Variants in TASP1 observed in about 807,000 individuals in gnomAD.
The protein encoded by TASP1 is threonine aspartase 1.
TASP1 carries 16 observed loss-of-function variants against 56.6 expected under a neutral mutation model. The observed-to-expected ratio is 0.28, with a 90% CI of 0.19 to 0.43. The LOEUF (loss-of-function observed/expected upper bound fraction) is 0.43. TASP1 is among the 20% of genes least tolerant of loss of function. The pLI, the probability that TASP1 is intolerant of heterozygous loss-of-function variation, is 1.00. For synonymous variants in TASP1, 179 were observed against 184.2 expected, an observed-to-expected ratio of 0.97 and a Z score of 0.23; for missense variants, 393 against 511.6, an observed-to-expected ratio of 0.77 and a Z score of 2.24.
chr20:13,117,179 G>A, the TASP1 span, among the ~76,000 whole-genome samples: 1 of 152,320 alleles, frequency 6.6e-6, no homozygotes, highest in South Asian at 2.1e-4. Context: ...AGAATATCTA[G>A]AATCCAGAAT....
chr20:13,535,443 T>C (rs776315675), intron 8 of TASP1, among the ~76,000 whole-genome samples: 2 of 152,164 alleles, frequency 1.3e-5, no homozygotes, highest in Non-Finnish European at 2.9e-5. Flanking sequence ...CCCTTAAATA[T>C]ACTGATACAC....
chr20:13,144,343 A>T, the TASP1 span, among the ~76,000 whole-genome samples: 1 of 152,256 alleles, frequency 6.6e-6, no homozygotes, highest in Non-Finnish European at 1.5e-5. Flanking sequence ...TGAACACAAC[A>T]GCCACTTACA....
chr20:13,160,204 C>G, the TASP1 span: 1 of 1,501,736 alleles, frequency 6.7e-7, no homozygotes, highest in Non-Finnish European at 9.0e-7. Flanking sequence ...TTTGTTGAGA[C>G]AGCTTGGGGT....
At chr20:13,196,320 C>A in the TASP1 span, among the ~76,000 whole-genome samples, 1 of 152,106 alleles carries the variant, frequency 6.6e-6, no homozygotes, top group Non-Finnish European at 1.5e-5. Flanking sequence ...TAGTTTTAAA[C>A]CATCTAGTAG....
chr20:13,433,489 T>G (rs1411175491), intron 12 of TASP1, among the ~76,000 whole-genome samples: 1 of 137,892 alleles, frequency 7.3e-6, no homozygotes, highest in Non-Finnish European at 1.5e-5. Context: ...ACCTAGGTAC[T>G]ATGTGCAGAG....
Position 13,562,514 on chromosome 20 carries a change from GA to G in TASP1, c.569-3401del, listed in dbSNP as rs749695742. Among the ~76,000 whole-genome samples, 29 of 150,478 alleles carry G rather than the reference GA, an allele frequency of 1.9e-4. No individual in the cohort carries two copies. In the East Asian group the frequency reaches 4.7e-3, roughly 24 times the overall value. On this transcript the variant is annotated intron_variant, in intron 7 of 13. Coordinates refer to ENST00000337743, the MANE Select transcript of TASP1 (RefSeq NM_017714.3). ...TTAAATCTTTAGCTAGATTAACTAAGAAAAAAAAAGACAAATTACTATAATC... is the reference window on the plus strand; with the variant it reads ...TTAAATCTTTAGCTAGATTAACTAAGAAAAAAAAGACAAATTACTATAATC...
At chr20:13,526,530 CATATT>C (rs2044986809) in intron 10 of TASP1, among the ~76,000 whole-genome samples, 1 of 152,124 alleles carries the variant, frequency 6.6e-6, no homozygotes, top group Admixed American at 6.6e-5. Context: ...AAAATTAACT[CATATT>C]ATTACATTAT....
At chr20:13,252,493 G>A in the TASP1 span, among the ~76,000 whole-genome samples, 1 of 152,178 alleles carries the variant, frequency 6.6e-6, no homozygotes, top group Non-Finnish European at 1.5e-5. Context: ...GCTCACACCT[G>A]TAATCCCAGC....
the TASP1 span, among the ~76,000 whole-genome samples, chr20:13,243,007 T>A: frequency 6.6e-6 from 1 of 152,224 alleles, no homozygotes; most frequent in Non-Finnish European, 1.5e-5. Context: ...ACAATAAGGT[T>A]AAGTACCTTG....
chr20:13,234,090 G>T, the TASP1 span, among the ~76,000 whole-genome samples: 1 of 152,098 alleles, frequency 6.6e-6, no homozygotes, highest in Non-Finnish European at 1.5e-5. Context: ...ATTGTACCCA[G>T]TGAGTAATTT....
the TASP1 span, among the ~76,000 whole-genome samples, chr20:13,177,646 G>T: frequency 5.9e-5 from 9 of 152,082 alleles, no homozygotes; most frequent in African/African-American, 1.7e-4. Flanking sequence ...AAGATGCCAA[G>T]AACACTATTT....
At chr20:13,397,638 G>T (rs2041590552) in intron 13 of TASP1, among the ~76,000 whole-genome samples, 1 of 152,146 alleles carries the variant, frequency 6.6e-6, no homozygotes, top group South Asian at 2.1e-4. Context: ...GCTTGCTCAG[G>T]AAAGCTACTG....
At chr20:13,417,344 T>A in intron 13 of TASP1, 104 bp downstream of exon 13, 1 of 1,111,552 alleles carries the variant, frequency 9.0e-7, no homozygotes, top group Non-Finnish European at 1.3e-6. Context: ...ACAAAGCTAC[T>A]GCCCAAAAAA....
chr20:13,436,576 A>G (rs957092200), intron 11 of TASP1, among the ~76,000 whole-genome samples: 2 of 152,164 alleles, frequency 1.3e-5, no homozygotes, highest in Non-Finnish European at 2.9e-5. Context: ...AAGGTGAACT[A>G]GAGAGTTGAG....
chr20:13,304,572 T>C, the TASP1 span, among the ~76,000 whole-genome samples: 6 of 152,224 alleles, frequency 3.9e-5, no homozygotes, highest in African/African-American at 1.2e-4. Context: ...TGTCTTTGCC[T>C]GATGGCTTTT....
At chr20:13,223,172 T>A in the TASP1 span, among the ~76,000 whole-genome samples, 157 of 143,414 alleles carry the variant, frequency 1.1e-3, no homozygotes, top group African/African-American at 3.7e-3. Flanking sequence ...AAAAATAAAA[T>A]AAAATAAAAT....
chr20:13,325,008 C>G, the TASP1 span, among the ~76,000 whole-genome samples: 3 of 152,302 alleles, frequency 2.0e-5, no homozygotes, highest in South Asian at 2.1e-4. Flanking sequence ...GTTAGTGCAG[C>G]TATTTCTCTA....
At chr20:13,326,996 C>T in the TASP1 span, among the ~76,000 whole-genome samples, 10 of 152,092 alleles carry the variant, frequency 6.6e-5, no homozygotes, top group African/African-American at 2.4e-4. Flanking sequence ...AAAGCATATG[C>T]GAATAGGAAG....
rs566061343 is a variant in TASP1 at position 13,442,379 on chromosome 20, T to C, written c.986-7225A>G. On this transcript the variant is annotated intron_variant, in intron 11 of 13. Coordinates refer to ENST00000337743, the MANE Select transcript of TASP1 (RefSeq NM_017714.3). Reference sequence around the variant, plus strand: ...AAGAGAATGGCAAGAAAGAAGAGAATGATCCCAGCACTTTGGGAGGCCAAG... The same window carrying C: ...AAGAGAATGGCAAGAAAGAAGAGAACGATCCCAGCACTTTGGGAGGCCAAG... 2.9e-4 allele frequency among the ~76,000 whole-genome samples: 44 copies of C among 152,020 alleles called. No homozygotes were observed. In the South Asian group the frequency reaches 8.7e-3, roughly 30 times the overall value.
Sources: gnomAD v4.1 joint callset for allele counts (sites outside exome capture counted in the v4.1 genomes callset) on GRCh38, gnomAD v4.1.1 for gene constraint, MANE v1.5 for transcripts, NCBI Gene and HGNC (gene_info 2026-07-23, HGNC 2026-07-21) for gene names.